Variants in REG1B observed in about 807,000 individuals in gnomAD.
REG1B encodes the protein lithostathine-1-beta.
In REG1B, 21 loss-of-function variants were observed where a neutral mutation model predicts 20.4. That is an observed-to-expected ratio of 1.03 (90% confidence interval 0.73 to 1.48). REG1B has a LOEUF of 1.48. Ranked by LOEUF, REG1B falls within the 40% of genes most tolerant of loss-of-function variation. The probability of loss-of-function intolerance (pLI) is 0.00; values close to 1 mark genes in which losing one functional copy is unlikely to be tolerated. For missense variants in REG1B, 247 were observed against 197.2 expected, an observed-to-expected ratio of 1.25 and a Z score of -1.51; for synonymous variants, 82 against 73.4, an observed-to-expected ratio of 1.12 and a Z score of -0.60.
chr2:79,086,475 G>T lies in REG1B; in HGVS notation c.213C>A (p.Asn71Lys). The T allele has an allele frequency of 6.2e-7, 1 of 1,613,964 alleles. No individual in the cohort carries two copies. Among genetic ancestry groups the T allele is most frequent in the Middle Eastern group, 1.7e-4 (1 of 5,952 alleles). ...DLYCQNMNSG[N>K]LVSVLTQAEG... is the part of the protein sequence containing the mutation. ...CCGCCTGGGTGAGCACAGACACCAGGTTGCCTGAATTCATGTTCTGGCAAT... is the reference window on the plus strand; with the variant it reads ...CCGCCTGGGTGAGCACAGACACCAGTTTGCCTGAATTCATGTTCTGGCAAT... The change falls in exon 4 of 6, where the codon AAC (asparagine) becomes AAA (lysine). Residue 71 changes from asparagine to lysine, a missense_variant. By Grantham distance (94) the Asn-to-Lys change is moderately conservative. Transcript: ENST00000305089.
chr2:79,085,309 C>G, intron 5 of REG1B, 26 bp from the exon 6 acceptor site: 1 of 1,557,252 alleles, frequency 6.4e-7, no homozygotes, highest in Non-Finnish European at 8.9e-7. Flanking sequence ...AAGTGTCAGA[C>G]ATAGAGGATC....
intron 2 of REG1B, 117 bp downstream of exon 2, chr2:79,087,432 G>T (rs1672416174): frequency 2.0e-6 from 2 of 1,002,566 alleles, no homozygotes; most frequent in African/African-American, 1.6e-5. Flanking sequence ...AATGATCACT[G>T]AACAACATAA....
intron 2 of REG1B, 67 bp downstream of exon 2, chr2:79,087,472 TCAAGTGAACC>T: frequency 1.4e-6 from 2 of 1,459,878 alleles, no homozygotes; most frequent in Admixed American, 2.0e-5. Context: ...CTGCTTTTTT[TCAAGTGAACC>T]TTATACATGA....
At chr2:79,086,318 T>G in intron 4 of REG1B, 49 bp downstream of exon 4, 1 of 1,607,724 alleles carries the variant, frequency 6.2e-7, no homozygotes, top group Non-Finnish European at 8.5e-7. Flanking sequence ...AACGTCCCTC[T>G]TACCTCTCAA....
chr2:79,087,219 T>A, intron 2 of REG1B: 1 of 528,434 alleles, frequency 1.9e-6, no homozygotes. Context: ...CTTTCTCAAG[T>A]TTCTCTCGGT....
chr2:79,085,301 G>A lies in REG1B; in HGVS notation c.434-18C>T, dbSNP rs375479869. The A allele has an allele frequency of 6.3e-7, 1 of 1,581,518 alleles. No homozygotes were observed. The highest frequency in any genetic ancestry group is 1.7e-5 in the Admixed American group (1 of 59,866). On this transcript the variant is annotated intron_variant, in intron 5 of 5. Coordinates refer to ENST00000305089, the MANE Select transcript of REG1B (RefSeq NM_006507.4). ...CTTGAATCCTATGGTACAATGAGAA[G>A]TGTCAGACATAGAGGATCAGAAGGA...
At chr2:79,087,697 G>T in intron 1 of REG1B, 39 bp from the exon 2 acceptor site, 1 of 1,313,294 alleles carries the variant, frequency 7.6e-7, no homozygotes, top group Non-Finnish European at 1.1e-6. Flanking sequence ...GAAGAAGAGA[G>T]CAGAGCACCT....
Position 79,085,071 on chromosome 2 carries a change from G to A in REG1B, c.*145C>T. On this transcript the variant is annotated 3_prime_UTR_variant, in exon 6 of 6. Coordinates refer to ENST00000305089, the MANE Select transcript of REG1B (RefSeq NM_006507.4). ...TTTATTTTTCAGGGCTCTAGAGACT[G>A]AGACAGGTGAAGGTACTGAAGATCA... 1 of 656,054 alleles carries A rather than the reference G, an allele frequency of 1.5e-6. No homozygotes were observed. Among genetic ancestry groups the A allele is most frequent in the Non-Finnish European group, 2.8e-6 (1 of 361,882 alleles). 40.6% of individuals were successfully genotyped at this position (656,054 alleles called of 1,614,324 possible).
chr2:79,087,619 C>T lies in REG1B; in HGVS notation c.-7G>A, dbSNP rs202197145. 133 of 1,613,274 alleles carry T rather than the reference C, an allele frequency of 8.2e-5. No individual in the cohort carries two copies. In the Middle Eastern group the frequency reaches 1.2e-3, roughly 14 times the overall value. ...ACGAGTTGGTCTGAGCCATGCTTAGCGGCAGTGAATCTCTTGCTTAAGGAG... is the reference window on the plus strand; with the variant it reads ...ACGAGTTGGTCTGAGCCATGCTTAGTGGCAGTGAATCTCTTGCTTAAGGAG... On this transcript the variant is annotated 5_prime_UTR_variant, in exon 2 of 6. Transcript: ENST00000305089.
rs745577340 is a variant in REG1B at position 79,085,531 on chromosome 2, C to A, written c.394G>T (p.Ala132Ser). Residue 132 changes from alanine (A) to serine (S), a missense_variant, in exon 5 of 6, where the codon GCT (alanine) becomes TCT (serine). Ala to Ser is a moderately conservative substitution (Grantham distance 99). Transcript: ENST00000305089. Reference protein sequence around the residue: ...KSWDTGSPSSANAGYCASLTS... With the variant: ...KSWDTGSPSSSNAGYCASLTS... ...AGGCTTGCACAGTAGCCAGCATTAG[C>A]ACTGCTCGGGGATCCAGTGTCCCAG... 6 of 1,613,770 alleles carry A rather than the reference C, an allele frequency of 3.7e-6. No individual in the cohort carries two copies. The Admixed American group carries it at 1.0e-4, about 27-fold the overall frequency.
chr2:79,086,437 A>G lies in REG1B; in HGVS notation c.251T>C (p.Val84Ala). Residue 84 changes from valine (V) to alanine (A), a missense_variant, in exon 4 of 6, where the codon GTG (valine) becomes GCG (alanine). Val to Ala is a moderately conservative substitution (Grantham distance 64). Transcript: ENST00000305089. ...GCTACTCTCCTTAATCAGTGAGGCCACGAAGGCACCCTCCGCCTGGGTGAG... is the reference window on the plus strand; with the variant it reads ...GCTACTCTCCTTAATCAGTGAGGCCGCGAAGGCACCCTCCGCCTGGGTGAG... The part of the protein sequence containing the change: ...SVLTQAEGAF[V>A]ASLIKESSTD... The G allele has an allele frequency of 6.2e-7, 1 of 1,614,080 alleles. No individual in the cohort carries two copies. Among genetic ancestry groups the G allele is most frequent in the South Asian group, 1.1e-5 (1 of 91,084 alleles).
intron 4 of REG1B, chr2:79,086,104 G>T: frequency 6.6e-6 from 3 of 453,006 alleles, no homozygotes; most frequent in Non-Finnish European, 4.0e-6. Flanking sequence ...TAGGGAAAAA[G>T]TTGTACATAA....
In REG1B at chr2:79,085,488, T is replaced by C; in HGVS notation, c.433+4A>G. 1.2e-6 allele frequency: 2 copies of C among 1,607,032 alleles called. No homozygotes were observed. Among genetic ancestry groups the C allele is most frequent in the Non-Finnish European group, 1.7e-6 (2 of 1,173,640 alleles). ...AACAGGTGGATAGATTGTCTGCCTC[T>C]CACCTGAGCATGAAGTCAGGCTTGC... On this transcript the variant is annotated splice_donor_region_variant and intron_variant, in intron 5 of 5. Coordinates refer to ENST00000305089, the MANE Select transcript of REG1B (RefSeq NM_006507.4).
In REG1B at chr2:79,086,879, C is replaced by T. The variant is rs1472538628; in HGVS notation, c.116G>A (p.Gly39Asp). ...LPNPRISCPE[G>D]TNAYRSYCYY... is the part of the protein sequence containing the mutation. ...GCAGTAGGAGCGATAGGCATTGGTG[C>T]CTTCTGGGCAGCTGATTCGGGGATT... is the stretch of plus-strand genomic sequence containing the variant. Residue 39 changes from glycine to aspartate, a missense_variant, in exon 3 of 6, where the codon GGC becomes GAC. Coordinates refer to ENST00000305089, the MANE Select transcript of REG1B (RefSeq NM_006507.4). 18 of 1,613,782 alleles carry T rather than the reference C, an allele frequency of 1.1e-5. No individual in the cohort carries two copies. Among genetic ancestry groups the T allele is most frequent in the Non-Finnish European group, 1.4e-5 (17 of 1,179,980 alleles).
Position 79,086,519 on chromosome 2 carries a change from A to G in REG1B, c.184-15T>C. Reference sequence around the variant, plus strand: ...TGGCAATAGAGCTGTTGGAGAAGAAAATGGAGCACTCAGTGGAGAAGGAAG... The same window carrying G: ...TGGCAATAGAGCTGTTGGAGAAGAAGATGGAGCACTCAGTGGAGAAGGAAG... On this transcript the variant is annotated splice_polypyrimidine_tract_variant and intron_variant, in intron 3 of 5. Coordinates refer to ENST00000305089, the MANE Select transcript of REG1B (RefSeq NM_006507.4). 1 of 1,612,874 alleles carries G rather than the reference A, an allele frequency of 6.2e-7. No homozygotes were observed. The highest frequency in any genetic ancestry group is 8.5e-7 in the Non-Finnish European group (1 of 1,179,790).
Position 79,085,584 on chromosome 2 carries a change from C to A in REG1B, c.341G>T (p.Ser114Ile), listed in dbSNP as rs145905447. 5.0e-6 allele frequency: 8 copies of A among 1,613,070 alleles called. No individual in the cohort carries two copies. Among genetic ancestry groups the A allele is most frequent in the Non-Finnish European group, 5.9e-6 (7 of 1,179,536 alleles). ...DPKKNRRWHWSSGSLVSYKSW... is the reference protein window; with the variant it reads ...DPKKNRRWHWISGSLVSYKSW... ...CTTGTAGGAGACCAGGGACCCACTA[C>A]TCCAGTGCCAGCGGCGGTTCTAGAT... Residue 114 changes from serine (S) to isoleucine (I), a missense_variant, in exon 5 of 6, where the codon AGT becomes ATT. By Grantham distance (142) the Ser-to-Ile change is moderately radical. Coordinates refer to ENST00000305089, the MANE Select transcript of REG1B (RefSeq NM_006507.4).
Position 79,087,277 on chromosome 2 carries a change from T to C in REG1B, c.64+272A>G, listed in dbSNP as rs145825331. 581 of 542,384 alleles carry C rather than the reference T, an allele frequency of 1.1e-3. 3 individuals carry two copies. Among genetic ancestry groups the C allele is most frequent in the African/African-American group, 9.1e-3 (482 of 53,150 alleles). 33.6% of individuals were successfully genotyped at this position (542,384 alleles called of 1,614,324 possible). ...GCTCTCCATCCTAGCAATGACTACA[T>C]AAAAACATCCCCCAAACTGCCATCG... On this transcript the variant is annotated intron_variant, in intron 2 of 5. Coordinates refer to ENST00000305089, the MANE Select transcript of REG1B (RefSeq NM_006507.4).
At chr2:79,087,102 C>T (rs1672411750) in intron 2 of REG1B, 172 bp from the exon 3 acceptor site, 1 of 616,230 alleles carries the variant, frequency 1.6e-6, no homozygotes, top group Non-Finnish European at 2.9e-6. Flanking sequence ...TCTCTAGTTT[C>T]CTCTGCTCAA....
chr2:79,087,227 G>T (rs144790734), intron 2 of REG1B: 4 of 527,074 alleles, frequency 7.6e-6, no homozygotes, highest in East Asian at 3.1e-5. Flanking sequence ...AGTTTCTCTC[G>T]GTTTCCCTGC....
Sources: allele counts gnomAD v4.1 joint callset, GRCh38; gene constraint gnomAD v4.1.1; transcripts MANE v1.5; gene names NCBI Gene and HGNC (gene_info 2026-07-23, HGNC 2026-07-21).